Variants in FRMD6 observed in about 807,000 individuals in gnomAD.
FRMD6 encodes the protein FERM domain-containing protein 6.
Under a neutral mutation model 73.2 loss-of-function variants are expected in FRMD6, and 37 were observed. The observed-to-expected ratio is 0.51, with a 90% CI of 0.39 to 0.66. The LOEUF (loss-of-function observed/expected upper bound fraction) is 0.66, where lower values mean the gene tolerates loss of function less well. Among genes scored for constraint, FRMD6 ranks in the 30% least tolerant of loss-of-function variants. The pLI, the probability that FRMD6 is intolerant of heterozygous loss-of-function variation, is 0.00. For synonymous variants in FRMD6, 273 were observed against 282.2 expected (o/e 0.97, Z 0.33); for missense variants, 714 against 780.5 (o/e 0.91, Z 1.02).
At chr14:51,689,614 T>A (rs1895402576) in intron 1 of FRMD6, 77 bp from the exon 2 acceptor site, 2 of 548,126 alleles carry the variant, frequency 3.6e-6, no homozygotes, top group African/African-American at 3.8e-5. Context: ...GTAGTGGTGC[T>A]GTGCTTATCT....
rs756601021 is a variant in FRMD6, at chr14:51,725,841, C to T, written c.1555C>T (p.Arg519Cys). The T allele has an allele frequency of 7.4e-6, 12 of 1,613,412 alleles. No homozygotes were observed. Among genetic ancestry groups the T allele is most frequent in the East Asian group, 4.5e-5 (2 of 44,862 alleles). The change falls in exon 13 of 14, where the codon CGT becomes TGT. Residue 519 changes from arginine (R) to cysteine (C), a missense_variant. Arg to Cys is a radical substitution (Grantham distance 180, BLOSUM62 -3). Transcript: ENST00000344768. ...SSSSETVVKLRGQSTDSLPQT... is the reference protein window; with the variant it reads ...SSSSETVVKLCGQSTDSLPQT... ...CTCTTCAGAAACAGTTGTTAAGCTT[C>T]GTGGCCAGAGTACTGATTCTCTTCC...
the FRMD6 span, among the ~76,000 whole-genome samples, chr14:51,459,826 CA>C: frequency 5.5e-3 from 322 of 58,288 alleles, no homozygotes; most frequent in Middle Eastern, 0.031. Context: ...GACTCCATTT[CA>C]AAAAAAAAAA....
At chr14:51,636,994 T>C (rs1377132609) in intron 2 of FRMD6, among the ~76,000 whole-genome samples, 2 of 151,858 alleles carry the variant, frequency 1.3e-5, no homozygotes, top group Non-Finnish European at 2.9e-5. Context: ...GAGGTTGAGG[T>C]GGGAGGATGG....
rs534699745 is a variant in FRMD6, at chr14:51,563,159, G to A, written c.-209-7189G>A. Among the ~76,000 whole-genome samples the A allele has an allele frequency of 5.9e-5, 9 of 152,316 alleles. No individual in the cohort carries two copies. The South Asian group carries it at 1.9e-3, about 32-fold the overall frequency. On this transcript the variant is annotated intron_variant, in intron 1 of 14. Coordinates refer to the FRMD6 transcript ENST00000356218. ...GCTCCTCCCAGAGTGAGTATCCCAG[G>A]AGAACCAGGAGGAAGCTTTATGGTC...
At chr14:51,473,178 T>C in the FRMD6 span, among the ~76,000 whole-genome samples, 1 of 152,194 alleles carries the variant, frequency 6.6e-6, no homozygotes, top group African/African-American at 2.4e-5. Flanking sequence ...AGCTGGAGTT[T>C]TCTAGGGCTG....
At chr14:51,695,838 G>C (rs972936028) in intron 2 of FRMD6, among the ~76,000 whole-genome samples, 1 of 152,096 alleles carries the variant, frequency 6.6e-6, no homozygotes, top group African/African-American at 2.4e-5. Context: ...ATGTGGAAAA[G>C]AGCAGTAAAC....
chr14:51,698,135 C>A lies in FRMD6; in HGVS notation c.100-7C>A. On this transcript the variant is annotated splice_region_variant and splice_polypyrimidine_tract_variant and intron_variant, in intron 2 of 13. Coordinates refer to ENST00000344768, the MANE Select transcript of FRMD6 (RefSeq NM_001267046.2). ...GTTATTTTACGTCGTGCCTTTTTCC[C>A]CTACAGGTTAAGATTCTGTGTCACC... 1 of 1,607,418 alleles carries A rather than the reference C, an allele frequency of 6.2e-7. No individual in the cohort carries two copies.
chr14:51,431,447 G>A, the FRMD6 span, among the ~76,000 whole-genome samples: 1 of 152,164 alleles, frequency 6.6e-6, no homozygotes, highest in Non-Finnish European at 1.5e-5. Flanking sequence ...GGTACAGAAA[G>A]GGAAAAGTTT....
chr14:51,467,198 G>A, the FRMD6 span, among the ~76,000 whole-genome samples: 1 of 150,314 alleles, frequency 6.7e-6, no homozygotes, highest in African/African-American at 2.5e-5. Context: ...TCAAGCATCT[G>A]TTTAACAAAG....
At chr14:51,722,462 A>G (rs1237653753) in intron 12 of FRMD6, among the ~76,000 whole-genome samples, 2 of 152,118 alleles carry the variant, frequency 1.3e-5, no homozygotes, top group Non-Finnish European at 2.9e-5. Context: ...CAAATCCAAC[A>G]TGGCTAGAAA....
At chr14:51,511,045 A>G (rs1884273279) in intron 1 of FRMD6, among the ~76,000 whole-genome samples, 1 of 151,816 alleles carries the variant, frequency 6.6e-6, no homozygotes, top group Non-Finnish European at 1.5e-5. Context: ...TGGTAAAGCC[A>G]TTTCATTCAC....
the FRMD6 span, among the ~76,000 whole-genome samples, chr14:51,426,915 C>T: frequency 2.0e-5 from 3 of 152,262 alleles, no homozygotes; most frequent in African/African-American, 7.2e-5. Context: ...TTAGAGCTGA[C>T]AGAGCAGAAT....
chr14:51,653,505 C>G (rs1892583623), intron 1 of FRMD6, among the ~76,000 whole-genome samples: 1 of 152,084 alleles, frequency 6.6e-6, no homozygotes, highest in South Asian at 2.1e-4. Context: ...CTTCTTAGAG[C>G]AGTGCATGAA....
At chr14:51,611,325 A>G (rs1214155447) in intron 2 of FRMD6, among the ~76,000 whole-genome samples, 1 of 152,188 alleles carries the variant, frequency 6.6e-6, no homozygotes, top group East Asian at 1.9e-4. Context: ...TCTGGCACTA[A>G]GGAGAGTGGC....
At chr14:51,619,431 C>G (rs2139912692) in intron 2 of FRMD6, among the ~76,000 whole-genome samples, 1 of 151,964 alleles carries the variant, frequency 6.6e-6, no homozygotes, top group East Asian at 1.9e-4. Context: ...TGGCTTTCAC[C>G]TTTAACGGAT....
chr14:51,477,747 T>C, the FRMD6 span, among the ~76,000 whole-genome samples: 1 of 142,196 alleles, frequency 7.0e-6, no homozygotes, highest in Non-Finnish European at 1.5e-5. Flanking sequence ...CTTTTTTTTT[T>C]TTTTTTTTTG....
chr14:51,657,500 A>C (rs1892918007), intron 1 of FRMD6, among the ~76,000 whole-genome samples: 1 of 152,264 alleles, frequency 6.6e-6, no homozygotes, highest in Admixed American at 6.5e-5. Context: ...TTAGCTCAGC[A>C]TAATGTCATG....
intron 1 of FRMD6, among the ~76,000 whole-genome samples, chr14:51,502,604 T>C (rs1444463746): frequency 6.6e-6 from 1 of 152,230 alleles, no homozygotes; most frequent in African/African-American, 2.4e-5. Context: ...TACTGTAGCC[T>C]TGTAGTATAG....
intron 1 of FRMD6, among the ~76,000 whole-genome samples, chr14:51,654,468 A>G (rs1375705435): frequency 6.6e-6 from 1 of 152,188 alleles, no homozygotes; most frequent in Non-Finnish European, 1.5e-5. Context: ...CTGAGCTGTC[A>G]GGTTCAGAGT....
Sources: gnomAD v4.1 joint callset for allele counts (sites outside exome capture counted in the v4.1 genomes callset) on GRCh38, gnomAD v4.1.1 for gene constraint, MANE v1.5 for transcripts, NCBI Gene and HGNC (gene_info 2026-07-23, HGNC 2026-07-21) for gene names.